OCA2: variants seen among roughly 807,000 people sequenced by gnomAD.
OCA2 encodes P protein.
A neutral mutation model predicts 100.2 loss-of-function variants in OCA2; 77 were observed. The ratio of observed to expected loss-of-function variants is 0.77; its 90% CI spans 0.64 to 0.93. OCA2 has a LOEUF of 0.93. OCA2 is among the 40% of genes least tolerant of loss of function. OCA2 has a pLI of 0.00. For synonymous variants in OCA2, 432 were observed against 439.2 expected, an observed-to-expected ratio of 0.98 and a Z score of 0.21; for missense variants, 1,062 against 1,089.1, an observed-to-expected ratio of 0.98 and a Z score of 0.35.
At chr15:27,837,056 G>A (rs1357446649) in intron 23 of OCA2, among the ~76,000 whole-genome samples, 1 of 152,172 alleles carries the variant, frequency 6.6e-6, no homozygotes, top group East Asian at 1.9e-4. Flanking sequence ...CTCTTTAATT[G>A]ACTGGTGTAT....
At chr15:27,750,249 C>T (rs1201218464), downstream of OCA2, among the ~76,000 whole-genome samples, 3 of 152,166 alleles carry the variant, frequency 2.0e-5, no homozygotes, top group African/African-American at 7.2e-5. Context: ...ACGTCTCCTT[C>T]AAGACAAATT....
chr15:27,985,000 G>A, intron 13 of OCA2, 64 bp downstream of exon 13: 2 of 1,599,490 alleles, frequency 1.3e-6, no homozygotes, highest in Non-Finnish European at 1.7e-6. Context: ...GCCAGGCAGT[G>A]CAGGCAGAGC....
chr15:28,019,841 C>A (rs2042534680), intron 6 of OCA2, among the ~76,000 whole-genome samples: 2 of 152,184 alleles, frequency 1.3e-5, no homozygotes, highest in Admixed American at 6.5e-5. Context: ...CCCCTCCTCC[C>A]CAGGCAGGCC....
intron 19 of OCA2, 42 bp downstream of exon 19, chr15:27,926,085 A>T: frequency 6.2e-7 from 1 of 1,610,336 alleles, no homozygotes; most frequent in Non-Finnish European, 8.5e-7. Flanking sequence ...GAAATACAAA[A>T]ATCAGGTAAA....
the OCA2 span, among the ~76,000 whole-genome samples, chr15:27,739,399 T>C: frequency 6.6e-6 from 1 of 151,782 alleles, no homozygotes; most frequent in East Asian, 1.9e-4. Flanking sequence ...GACTGCCTGC[T>C]GATCATTACA....
intron 2 of OCA2, among the ~76,000 whole-genome samples, chr15:28,046,631 A>G (rs2043355887): frequency 6.6e-6 from 1 of 152,180 alleles, no homozygotes; most frequent in Admixed American, 6.5e-5. Context: ...GGCAGAGGGC[A>G]GGGGGAAAGG....
At chr15:27,743,657 C>T in the OCA2 span, among the ~76,000 whole-genome samples, 1 of 152,182 alleles carries the variant, frequency 6.6e-6, no homozygotes, top group African/African-American at 2.4e-5. Flanking sequence ...CAACTAAATG[C>T]CTGCTGTCCT....
At chr15:28,007,099 A>G (rs2042111279) in intron 9 of OCA2, among the ~76,000 whole-genome samples, 1 of 152,222 alleles carries the variant, frequency 6.6e-6, no homozygotes, top group East Asian at 1.9e-4. Flanking sequence ...TTTTGCTACA[A>G]TTACATAAAG....
At chr15:28,032,287 C>T in intron 2 of OCA2, 124 bp from the exon 3 acceptor site, 2 of 800,602 alleles carry the variant, frequency 2.5e-6, no homozygotes, top group South Asian at 1.4e-5. Flanking sequence ...AGGAAATTTG[C>T]CTAAGGGTCT....
chr15:27,846,170 A>G (rs1372275230), intron 22 of OCA2, among the ~76,000 whole-genome samples: 1 of 152,078 alleles, frequency 6.6e-6, no homozygotes, highest in African/African-American at 2.4e-5. Flanking sequence ...GCTGGCCCAG[A>G]CAGCCCCCTC....
At chr15:27,774,410 C>CGGA (rs2151059711) in intron 23 of OCA2, among the ~76,000 whole-genome samples, 1 of 152,344 alleles carries the variant, frequency 6.6e-6, no homozygotes, top group Admixed American at 6.5e-5. Context: ...CATCATTGAG[C>CGGA]GGAGACCAGT....
chr15:28,064,429 A>AG (rs2043964499), intron 2 of OCA2, among the ~76,000 whole-genome samples: 1 of 151,902 alleles, frequency 6.6e-6, no homozygotes, highest in Non-Finnish European at 1.5e-5. Context: ...GGCTTTCCAC[A>AG]GGTCCCTTGG....
intron 23 of OCA2, among the ~76,000 whole-genome samples, chr15:27,795,849 T>C (rs1323383359): frequency 6.6e-6 from 1 of 152,212 alleles, no homozygotes; most frequent in African/African-American, 2.4e-5. Flanking sequence ...GCTGATTGTA[T>C]GGGAGGAGAA....
intron 2 of OCA2, among the ~76,000 whole-genome samples, 198 bp from the exon 3 acceptor site, chr15:28,032,361 C>T (rs1475002155): frequency 1.3e-5 from 2 of 152,202 alleles, no homozygotes; most frequent in Non-Finnish European, 2.9e-5. Flanking sequence ...CTCCCCAACT[C>T]AATTGAAAAT....
the OCA2 span, among the ~76,000 whole-genome samples, chr15:27,738,608 G>A: frequency 6.6e-6 from 1 of 151,940 alleles, no homozygotes; most frequent in East Asian, 1.9e-4. Flanking sequence ...GGTGGTGGGC[G>A]CCTGTAGTCC....
chr15:27,974,362 AAT>A (rs1353540360), intron 14 of OCA2, among the ~76,000 whole-genome samples: 1 of 152,232 alleles, frequency 6.6e-6, no homozygotes, highest in East Asian at 1.9e-4. Context: ...CACTATTGAT[AAT>A]GAGGCTTTAT....
chr15:27,827,749 G>A (rs8041183), intron 23 of OCA2, among the ~76,000 whole-genome samples: 76,780 of 151,958 alleles, frequency 0.51, 19,999 homozygotes, highest in South Asian at 0.76. Context: ...GAATATAGAC[G>A]TATTTAAAAT....
At chr15:27,990,960 C>G (rs1177219299) in intron 9 of OCA2, among the ~76,000 whole-genome samples, 1 of 152,240 alleles carries the variant, frequency 6.6e-6, no homozygotes, top group Non-Finnish European at 1.5e-5. Context: ...TTGCCATATG[C>G]TCCCTTGGCA....
At chr15:27,831,284 C>CAAAAAAAAAA (rs71132824) in intron 23 of OCA2, among the ~76,000 whole-genome samples, 4,449 of 62,426 alleles carry the variant, frequency 0.071, 898 homozygotes, top group South Asian at 0.15. Flanking sequence ...GACTCCGTCT[C>CAAAAAAAAAA]AAAAAAAAAA....
Sources: gnomAD v4.1 joint callset for allele counts (sites outside exome capture counted in the v4.1 genomes callset) on GRCh38, gnomAD v4.1.1 for gene constraint, MANE v1.5 for transcripts, NCBI Gene and HGNC (gene_info 2026-07-23, HGNC 2026-07-21) for gene names.